The following SGIP1 variants were observed in gnomAD, a reference collection of about 807,000 sequenced individuals.
SGIP1 encodes SH3GL interacting endocytic adaptor 1.
In SGIP1, 38 loss-of-function variants were observed where a neutral mutation model predicts 107.5. That is an observed-to-expected ratio of 0.35 (90% CI 0.27 to 0.46). The LOEUF is 0.46. Among genes scored for constraint, SGIP1 ranks in the 20% least tolerant of loss-of-function variants. The pLI is 1.00. For synonymous variants in SGIP1, 365 were observed against 366.1 expected (o/e 1.00, Z 0.03); for missense variants, 929 against 1,019.5 (o/e 0.91, Z 1.21).
chr1:66,576,974 C>T (rs1244725869), intron 1 of SGIP1, among the ~76,000 whole-genome samples: 3 of 152,290 alleles, frequency 2.0e-5, no homozygotes, highest in South Asian at 2.1e-4. Flanking sequence ...CATGCAGCTG[C>T]AGCAGTGAGA....
At chr1:66,602,002 C>T (rs1196167921) in intron 1 of SGIP1, among the ~76,000 whole-genome samples, 1 of 152,150 alleles carries the variant, frequency 6.6e-6, no homozygotes, top group African/African-American at 2.4e-5. Flanking sequence ...TGCAATGTCC[C>T]AAACATATCT....
chr1:66,642,269 A>C (rs2076929460), intron 5 of SGIP1, among the ~76,000 whole-genome samples: 1 of 150,314 alleles, frequency 6.7e-6, no homozygotes, highest in South Asian at 2.1e-4. Context: ...CCCAGTGTCC[A>C]CTCCCATCTT....
rs772956300 is a variant in SGIP1, at chr1:66,739,361, A to T, written c.2058A>T (p.Thr686=). 6.2e-7 allele frequency: 1 copy of T among 1,607,722 alleles called. No individual in the cohort carries two copies. The highest frequency in any genetic ancestry group is 8.5e-7 in the Non-Finnish European group (1 of 1,179,942). Residue 686 remains threonine, a synonymous_variant, in exon 22 of 25, where the codon ACA becomes ACT. Transcript: ENST00000371037. Reference sequence around the variant, plus strand: ...TGTCTGCCCAGGGCATTCAGTCCACACCTCTGAACCTGGCAGTGAATTGGC... The same window carrying T: ...TGTCTGCCCAGGGCATTCAGTCCACTCCTCTGAACCTGGCAGTGAATTGGC... The part of the protein sequence containing the change: ...YQVSAQGIQS[T]PLNLAVNWRC...
chr1:66,667,838 T>C (rs1248455056), intron 9 of SGIP1, among the ~76,000 whole-genome samples: 2 of 152,144 alleles, frequency 1.3e-5, no homozygotes, highest in Non-Finnish European at 2.9e-5. Flanking sequence ...TGTATGTGTA[T>C]ATAAAAGGCC....
At chr1:66,533,908 C>T (rs529576841), upstream of SGIP1, among the ~76,000 whole-genome samples, 1 of 149,642 alleles carries the variant, frequency 6.7e-6, no homozygotes, top group Non-Finnish European at 1.5e-5. Context: ...AAGGAGACGA[C>T]GAGGAGGGGC....
At chr1:66,632,663 A>T (rs2075016574) in intron 2 of SGIP1, among the ~76,000 whole-genome samples, 1 of 152,188 alleles carries the variant, frequency 6.6e-6, no homozygotes, top group African/African-American at 2.4e-5. Flanking sequence ...TCAAAAATAC[A>T]TAGATGAGAG....
At chr1:66,568,498 C>T (rs1440887210) in intron 1 of SGIP1, among the ~76,000 whole-genome samples, 2 of 152,026 alleles carry the variant, frequency 1.3e-5, no homozygotes, top group African/African-American at 2.4e-5. Context: ...CTTTCTCTTG[C>T]CTGATTGCCC....
chr1:66,678,219 C>G (rs2085823709), intron 13 of SGIP1, among the ~76,000 whole-genome samples: 1 of 152,168 alleles, frequency 6.6e-6, no homozygotes, highest in Non-Finnish European at 1.5e-5. Context: ...GAAAAGCTTT[C>G]TTTACAGACC....
intron 21 of SGIP1, among the ~76,000 whole-genome samples, chr1:66,735,034 A>G (rs994743199): frequency 6.6e-5 from 10 of 151,940 alleles, no homozygotes; most frequent in Non-Finnish European, 1.2e-4. Flanking sequence ...ACCTTATGCA[A>G]TCAATCTCTT....
At chr1:66,549,166 CCTTCCTT>C (rs2056997152) in intron 1 of SGIP1, among the ~76,000 whole-genome samples, 8 of 151,058 alleles carry the variant, frequency 5.3e-5, no homozygotes, top group Non-Finnish European at 1.0e-4. Flanking sequence ...TTCCTTCCTT[CCTTCCTT>C]CCTTCCTTCC....
At chr1:66,577,978 C>T (rs556702684) in intron 1 of SGIP1, among the ~76,000 whole-genome samples, 53 of 152,166 alleles carry the variant, frequency 3.5e-4, no homozygotes, top group Non-Finnish European at 6.9e-4. Flanking sequence ...TGAATCATTG[C>T]TCTATTAAAA....
intron 2 of SGIP1, among the ~76,000 whole-genome samples, chr1:66,630,845 A>AAGAGAGAGAGAGAGAG (rs1432133509): frequency 4.0e-5 from 1 of 25,202 alleles, no homozygotes; most frequent in African/African-American, 1.9e-4. Context: ...GAAAGAAAGA[A>AAGAGAGAGAGAGAGAG]AGAAAGAAAG....
intron 10 of SGIP1, among the ~76,000 whole-genome samples, chr1:66,671,409 A>C (rs1263833581): frequency 6.6e-6 from 1 of 152,136 alleles, no homozygotes; most frequent in African/African-American, 2.4e-5. Context: ...TGATATGAAA[A>C]TTTTAGTCAA....
chr1:66,676,631 C>T (rs2085411742), intron 12 of SGIP1, among the ~76,000 whole-genome samples: 1 of 152,126 alleles, frequency 6.6e-6, no homozygotes. Context: ...AACCAACTTA[C>T]AGCAAAACAA....
chr1:66,627,151 C>G (rs1299025386), intron 2 of SGIP1, among the ~76,000 whole-genome samples: 1 of 152,068 alleles, frequency 6.6e-6, no homozygotes, highest in East Asian at 1.9e-4. Context: ...ATTACTGACA[C>G]AAATTAGTAT....
chr1:66,700,234 G>C (rs964207331), intron 18 of SGIP1, among the ~76,000 whole-genome samples: 3 of 152,088 alleles, frequency 2.0e-5, no homozygotes, highest in African/African-American at 7.2e-5. Flanking sequence ...AGCAGGGCAT[G>C]GTGGCACGTG....
chr1:66,624,409 T>C (rs138352822), intron 1 of SGIP1, among the ~76,000 whole-genome samples: 1 of 152,354 alleles, frequency 6.6e-6, no homozygotes, highest in Non-Finnish European at 1.5e-5. Context: ...CATTTTCCTA[T>C]AAACTCCTCA....
At chr1:66,706,971 T>G (rs1183135771) in intron 18 of SGIP1, among the ~76,000 whole-genome samples, 1 of 152,102 alleles carries the variant, frequency 6.6e-6, no homozygotes, top group Admixed American at 6.6e-5. Context: ...TATGGGAAAG[T>G]ATAAATAAAA....
chr1:66,620,799 T>A (rs2070864778), intron 1 of SGIP1, among the ~76,000 whole-genome samples: 1 of 152,220 alleles, frequency 6.6e-6, no homozygotes, highest in South Asian at 2.1e-4. Flanking sequence ...ACAGTATTTA[T>A]CCTTTCTATA....
Sources: gnomAD v4.1 joint callset for allele counts (sites outside exome capture counted in the v4.1 genomes callset) on GRCh38, gnomAD v4.1.1 for gene constraint, MANE v1.5 for transcripts, NCBI Gene and HGNC (gene_info 2026-07-23, HGNC 2026-07-21) for gene names.